The following SYT1 variants were observed in gnomAD, a reference collection of about 807,000 sequenced individuals.
SYT1 encodes synaptotagmin 1.
Under a neutral mutation model 44.8 loss-of-function variants are expected in SYT1, and 8 were observed. The observed-to-expected ratio is 0.18, with a 90% CI of 0.10 to 0.32. SYT1 has a LOEUF of 0.32. Among genes scored for constraint, SYT1 ranks in the 10% least tolerant of loss-of-function variants. SYT1 has a pLI of 1.00. For synonymous variants in SYT1, 154 were observed against 188.8 expected, an observed-to-expected ratio of 0.82 and a Z score of 1.51; for missense variants, 286 against 509.3, an observed-to-expected ratio of 0.56 and a Z score of 4.22.
At chr12:79,421,880 A>G (rs1869144480) in intron 9 of SYT1, among the ~76,000 whole-genome samples, 1 of 151,876 alleles carries the variant, frequency 6.6e-6, no homozygotes, top group South Asian at 2.1e-4. Flanking sequence ...CAATCTATAA[A>G]TGTGGTTATT....
intron 8 of SYT1, among the ~76,000 whole-genome samples, chr12:79,308,134 C>G (rs1355256229): frequency 1.3e-5 from 2 of 152,190 alleles, no homozygotes; most frequent in East Asian, 1.9e-4. Flanking sequence ...ACTCGAAGAC[C>G]AAATCCTTTC....
chr12:79,035,945 C>CA (rs1354755652), intron 2 of SYT1, among the ~76,000 whole-genome samples: 9 of 137,258 alleles, frequency 6.6e-5, no homozygotes, highest in African/African-American at 1.1e-4. Flanking sequence ...AACAAACAAA[C>CA]AAACAAAAAA....
chr12:78,960,350 A>T (rs1879436025), intron 1 of SYT1: 1 of 152,222 alleles, frequency 6.6e-6, no homozygotes, highest in African/African-American at 2.4e-5. Flanking sequence ...CTGCAAAATC[A>T]GTGCTCATTT....
At chr12:79,333,414 G>T (rs1159238128) in intron 8 of SYT1, among the ~76,000 whole-genome samples, 2 of 152,140 alleles carry the variant, frequency 1.3e-5, no homozygotes, top group Non-Finnish European at 2.9e-5. Context: ...ATCACCTTGG[G>T]AGTTAGGATT....
chr12:79,036,855 A>G (rs1873168095), intron 2 of SYT1, among the ~76,000 whole-genome samples: 1 of 151,798 alleles, frequency 6.6e-6, no homozygotes, highest in Admixed American at 6.6e-5. Flanking sequence ...ACGGACCTGT[A>G]TGCAGAAATA....
At chr12:79,340,398 T>C (rs1882311639) in intron 8 of SYT1, among the ~76,000 whole-genome samples, 1 of 152,176 alleles carries the variant, frequency 6.6e-6, no homozygotes, top group African/African-American at 2.4e-5. Context: ...CCCTTGTAAG[T>C]TGGATTCCTA....
chr12:79,154,154 G>A (rs1029511716), intron 3 of SYT1, among the ~76,000 whole-genome samples: 2 of 152,062 alleles, frequency 1.3e-5, no homozygotes, highest in Admixed American at 1.3e-4. Flanking sequence ...TTAAATTTCT[G>A]TGGTGTATAT....
At chr12:79,047,414 T>C (rs1039223179) in intron 3 of SYT1, 52 bp downstream of exon 3, 1 of 151,848 alleles carries the variant, frequency 6.6e-6, no homozygotes, top group African/African-American at 2.4e-5. Flanking sequence ...AATTAGAGCT[T>C]ACAAATGTCT....
chr12:79,088,291 G>A (rs564069377), intron 3 of SYT1, among the ~76,000 whole-genome samples: 35 of 152,082 alleles, frequency 2.3e-4, no homozygotes, highest in African/African-American at 7.7e-4. Context: ...GGGGTGAAGG[G>A]AATCTTCCTT....
intron 3 of SYT1, among the ~76,000 whole-genome samples, chr12:79,122,330 C>T (rs1034782501): frequency 2.5e-4 from 38 of 150,648 alleles, no homozygotes; most frequent in Middle Eastern, 3.4e-3. Context: ...CTGGCTAACA[C>T]GGTGAAACCC....
chr12:79,408,666 T>G (rs1208712337), intron 9 of SYT1, among the ~76,000 whole-genome samples: 1 of 152,066 alleles, frequency 6.6e-6, no homozygotes, highest in Non-Finnish European at 1.5e-5. Flanking sequence ...TTAGGTCATT[T>G]CTTTGAATTT....
intron 3 of SYT1, among the ~76,000 whole-genome samples, chr12:79,208,845 A>G (rs964424545): frequency 1.3e-5 from 2 of 152,214 alleles, no homozygotes; most frequent in Admixed American, 6.5e-5. Context: ...AGGCCCAGTT[A>G]TATTCAATTT....
intron 3 of SYT1, among the ~76,000 whole-genome samples, chr12:79,196,259 C>T (rs1873452865): frequency 6.6e-6 from 1 of 152,014 alleles, no homozygotes; most frequent in African/African-American, 2.4e-5. Context: ...CCTCCACCTC[C>T]CGGGTTCAAG....
intron 4 of SYT1, among the ~76,000 whole-genome samples, chr12:79,281,196 C>A (rs1639296113): frequency 1.3e-5 from 2 of 152,050 alleles, no homozygotes; most frequent in African/African-American, 4.8e-5. Context: ...AAGACACCTG[C>A]ACTTATATGT....
chr12:78,877,817 C>G (rs1206493660), intron 1 of SYT1, among the ~76,000 whole-genome samples: 1 of 151,644 alleles, frequency 6.6e-6, no homozygotes. Context: ...TTTGTAGAGA[C>G]AGGGTCTCAC....
chr12:79,428,786 C>CT (rs1458856435), intron 9 of SYT1, among the ~76,000 whole-genome samples: 2 of 152,092 alleles, frequency 1.3e-5, no homozygotes, highest in Non-Finnish European at 2.9e-5. Context: ...ACTTGCATTG[C>CT]TATAAAGGAA....
At chr12:79,053,083 A>G (rs1874644259) in intron 3 of SYT1, among the ~76,000 whole-genome samples, 1 of 152,188 alleles carries the variant, frequency 6.6e-6, no homozygotes, top group Non-Finnish European at 1.5e-5. Flanking sequence ...CACTATTCAC[A>G]ATAGCAAAGA....
chr12:79,158,274 G>C (rs1870723878), intron 3 of SYT1, among the ~76,000 whole-genome samples: 1 of 151,984 alleles, frequency 6.6e-6, no homozygotes, highest in African/African-American at 2.4e-5. Context: ...AGATCATCAG[G>C]CATTAAATTC....
intron 1 of SYT1, among the ~76,000 whole-genome samples, chr12:78,907,630 T>G (rs118054954): frequency 6.6e-6 from 1 of 152,128 alleles, no homozygotes; most frequent in African/African-American, 2.4e-5. Flanking sequence ...TCTTCTCTTA[T>G]GTACTGATGA....
Sources: allele counts gnomAD v4.1 joint callset (sites outside exome capture counted in the v4.1 genomes callset), GRCh38; gene constraint gnomAD v4.1.1; transcripts MANE v1.5; gene names NCBI Gene and HGNC (gene_info 2026-07-23, HGNC 2026-07-21).